MYBPC2: variants seen among roughly 807,000 people sequenced by gnomAD.
The protein encoded by MYBPC2 is myosin-binding protein C, fast-type.
Under a neutral mutation model 137.0 loss-of-function variants are expected in MYBPC2, and 122 were observed. The observed-to-expected ratio is 0.89, with a 90% CI of 0.77 to 1.03. The LOEUF is 1.03. MYBPC2 is among the 50% of genes least tolerant of loss of function. The pLI is 0.00. For synonymous variants in MYBPC2, 626 were observed against 612.3 expected, an observed-to-expected ratio of 1.02 and a Z score of -0.33; for missense variants, 1,500 against 1,534.4, an observed-to-expected ratio of 0.98 and a Z score of 0.37.
intron 18 of MYBPC2, among the ~76,000 whole-genome samples, 159 bp from the exon 19 acceptor site, chr19:50,454,949 T>TA (rs1466619941): frequency 6.6e-6 from 1 of 152,102 alleles, no homozygotes; most frequent in Non-Finnish European, 1.5e-5. Flanking sequence ...CCAGGACTGG[T>TA]GGCCTCTGAA....
Position 50,464,333 on chromosome 19 carries a change from T to C in MYBPC2, c.3229-13T>C, listed in dbSNP as rs1043194510. On this transcript the variant is annotated splice_polypyrimidine_tract_variant and intron_variant, in intron 26 of 27. Coordinates refer to ENST00000357701, the MANE Select transcript of MYBPC2 (RefSeq NM_004533.4). Reference sequence around the variant, plus strand: ...CTCTCTAAGTTGGCCTCCTCTCCCTTGACTCTCAACAGCCGAAGGTGGTCT... The same window carrying C: ...CTCTCTAAGTTGGCCTCCTCTCCCTCGACTCTCAACAGCCGAAGGTGGTCT... 1.3e-6 allele frequency: 2 copies of C among 1,596,664 alleles called. No individual in the cohort carries two copies. The highest frequency in any genetic ancestry group is 1.7e-6 in the Non-Finnish European group (2 of 1,171,968).
intron 20 of MYBPC2, among the ~76,000 whole-genome samples, 154 bp downstream of exon 20, chr19:50,455,798 C>G (rs544604869): frequency 4.6e-5 from 7 of 152,094 alleles, no homozygotes; most frequent in African/African-American, 1.7e-4. Flanking sequence ...GGGATGGGAC[C>G]CCCCTGTGAC....
chr19:50,459,045 G>A lies in MYBPC2; in HGVS notation c.2595+39G>A, dbSNP rs780639385. The A allele has an allele frequency of 1.9e-6, 3 of 1,572,522 alleles. No homozygotes were observed. The East Asian group carries it at 7.1e-5, about 37-fold the overall frequency. ...GGTCACGGGCCGGGGGTCCGCTCTC[G>A]CCGCAAGCCCCCTTTTTGCGGGTGG... is the stretch of plus-strand genomic sequence containing the variant. On this transcript the variant is annotated intron_variant, in intron 22 of 27. Coordinates refer to ENST00000357701, the MANE Select transcript of MYBPC2 (RefSeq NM_004533.4).
intron 15 of MYBPC2, 36 bp downstream of exon 15, chr19:50,451,345 G>A: frequency 2.5e-6 from 4 of 1,610,736 alleles, no homozygotes; most frequent in Non-Finnish European, 8.5e-7. Flanking sequence ...GCGGGTCTGA[G>A]GGAGGAGGGA....
chr19:50,454,350 T>TG lies in MYBPC2; in HGVS notation c.2001dup (p.Lys668GlufsTer24). The TG allele has an allele frequency of 6.2e-7, 1 of 1,607,420 alleles. No individual in the cohort carries two copies. On this transcript the variant is annotated frameshift_variant, in exon 18 of 28. Coordinates refer to ENST00000357701, the MANE Select transcript of MYBPC2 (RefSeq NM_004533.4). LOFTEE classifies it high-confidence loss of function. ...TTGTCTGGGAGCCACCAATGTACGA[T>TG]GGGGGGAAGCCAGTCACCGGTGAGT...
In MYBPC2 at chr19:50,466,267, C is replaced by T; in HGVS notation, c.*62C>T. 1.9e-6 allele frequency: 3 copies of T among 1,608,496 alleles called. No homozygotes were observed. The highest frequency in any genetic ancestry group is 2.6e-6 in the Non-Finnish European group (3 of 1,175,284). On this transcript the variant is annotated 3_prime_UTR_variant, in exon 28 of 28. Transcript: ENST00000357701. The surrounding 1 kb of genome is among the most constrained non-coding windows in gnomAD (Gnocchi z 4.9). ...AGTCCTGACCCCAATCCCCAACCTC[C>T]CAGGACTGTGTTCTTTCTGGAGTTT...
At chr19:50,451,735 G>A in intron 15 of MYBPC2, 129 bp from the exon 16 acceptor site, 1 of 1,360,872 alleles carries the variant, frequency 7.3e-7, no homozygotes, top group Non-Finnish European at 1.0e-6. Flanking sequence ...TGAGGGAGGA[G>A]GGCTTCAGGA....
chr19:50,433,050 A>G (rs2039671348), intron 1 of MYBPC2, 78 bp downstream of exon 1: 3 of 1,473,476 alleles, frequency 2.0e-6, no homozygotes, highest in Non-Finnish European at 2.7e-6. Flanking sequence ...CTCTGTTTGT[A>G]GGGTTGGGAG....
chr19:50,440,667 A>AAAG (rs1341992669), intron 7 of MYBPC2, among the ~76,000 whole-genome samples: 1 of 151,218 alleles, frequency 6.6e-6, no homozygotes, highest in Non-Finnish European at 1.5e-5. Flanking sequence ...TGTCTCAAAA[A>AAAG]AAAAAAAAAC....
intron 12 of MYBPC2, among the ~76,000 whole-genome samples, chr19:50,446,688 C>T (rs1411331965): frequency 1.1e-4 from 17 of 150,868 alleles, no homozygotes; most frequent in Admixed American, 2.0e-4. Context: ...GGTGTGGTGG[C>T]GTGCACCTGT....
chr19:50,453,922 G>A (rs568233745), intron 16 of MYBPC2, 98 bp from the exon 17 acceptor site: 12 of 1,346,546 alleles, frequency 8.9e-6, no homozygotes, highest in Non-Finnish European at 1.2e-5. Flanking sequence ...TGTTGATGGG[G>A]AATCATGGGA....
In MYBPC2 at chr19:50,433,038, C is replaced by G; in HGVS notation, c.19+66C>G. The G allele has an allele frequency of 2.0e-6, 3 of 1,507,228 alleles. No homozygotes were observed. The South Asian group carries it at 4.0e-5, about 20-fold the overall frequency. The allele number at this position is 1,507,228 out of a possible 1,614,324, so 93.4% of individuals were successfully genotyped here. Reference sequence around the variant, plus strand: ...TCTTTTCTGGATGGGGATTTGGGACCCCTCTGTTTGTAGGGTTGGGAGAAG... The same window carrying G: ...TCTTTTCTGGATGGGGATTTGGGACGCCTCTGTTTGTAGGGTTGGGAGAAG... On this transcript the variant is annotated intron_variant, in intron 1 of 27. Transcript: ENST00000357701.
Position 50,435,316 on chromosome 19 carries a change from CTCCAGGCCTT to C in MYBPC2, c.109+70_109+79del, listed in dbSNP as rs2039692952. 1.4e-6 allele frequency: 1 copy of C among 711,050 alleles called. No individual in the cohort carries two copies. The highest frequency in any genetic ancestry group is 1.8e-5 in the African/African-American group (1 of 56,408). The allele number at this position is 711,050 out of a possible 1,614,324, so 44.0% of individuals were successfully genotyped here. A position where few individuals can be genotyped will look rare whatever the true frequency, so the allele number is the denominator to read the frequency against. Reference sequence around the variant, plus strand: ...CATCTCCATCCTCCTCGCTACGCCTCTCCAGGCCTTTCCCCAGCCTCTATCCTTGAATCTG... The same window carrying C: ...CATCTCCATCCTCCTCGCTACGCCTCTCCCCAGCCTCTATCCTTGAATCTG... On this transcript the variant is annotated intron_variant, in intron 2 of 27. Coordinates refer to ENST00000357701, the MANE Select transcript of MYBPC2 (RefSeq NM_004533.4). This position sits in a 1 kb window ranked among gnomAD's most constrained non-coding sequence, Gnocchi z 4.8.
chr19:50,463,895 C>T (rs534079115), intron 26 of MYBPC2, among the ~76,000 whole-genome samples: 19 of 149,838 alleles, frequency 1.3e-4, no homozygotes, highest in African/African-American at 3.0e-4. Context: ...GCCAAGATCA[C>T]GCCACTGCAC....
chr19:50,445,226 T>C (rs1378028163), intron 11 of MYBPC2, among the ~76,000 whole-genome samples: 1 of 152,016 alleles, frequency 6.6e-6, no homozygotes, highest in Non-Finnish European at 1.5e-5. Context: ...GGAAAACCAC[T>C]GACAGAGGCC....
rs377503167 is a variant in MYBPC2 at position 50,441,071 on chromosome 19, G to T, written c.764G>T (p.Ser255Ile). 2 of 1,588,924 alleles carry T rather than the reference G, an allele frequency of 1.3e-6. No individual in the cohort carries two copies. Among genetic ancestry groups the T allele is most frequent in the Non-Finnish European group, 1.7e-6 (2 of 1,168,286 alleles). Residue 255 changes from serine (S) to isoleucine (I), a missense_variant, in exon 8 of 28, where the codon AGT becomes ATT. By Grantham distance (142) the Ser-to-Ile change is moderately radical. Coordinates refer to ENST00000357701, the MANE Select transcript of MYBPC2 (RefSeq NM_004533.4). ...LKKAKVEVKK[S>I]AAFTKKLDPA... ...AAGGCTAAGGTCGAGGTCAAGAAGA[G>T]TGCAGGTCAGCCCTGGTCTGGGGGG...
rs1390831296 is a variant in MYBPC2 at position 50,455,773 on chromosome 19, CTGTTA to C, written c.2338+131_2338+135del. Reference sequence around the variant, plus strand: ...GGCCTGCTTGTGTTTTGTGTCTGTACTGTTATAAGTCTCTGGGATGGGACCCCCCT... The same window carrying C: ...GGCCTGCTTGTGTTTTGTGTCTGTACTAAGTCTCTGGGATGGGACCCCCCT... On this transcript the variant is annotated intron_variant, in intron 20 of 27. Coordinates refer to ENST00000357701, the MANE Select transcript of MYBPC2 (RefSeq NM_004533.4). The C allele has an allele frequency of 4.8e-5, 66 of 1,361,472 alleles. No homozygotes were observed. The African/African-American group carries it at 9.1e-4, about 19-fold the overall frequency. 84.3% of individuals were successfully genotyped at this position (1,361,472 alleles called of 1,614,324 possible). A position where few individuals can be genotyped will look rare whatever the true frequency, so the allele number is the denominator to read the frequency against.
At chr19:50,464,836 C>T (rs1478225404) in intron 27 of MYBPC2, among the ~76,000 whole-genome samples, 1 of 152,048 alleles carries the variant, frequency 6.6e-6, no homozygotes, top group Non-Finnish European at 1.5e-5. Context: ...GTACCTGGGC[C>T]CCCGTAGGCA....
intron 16 of MYBPC2, among the ~76,000 whole-genome samples, chr19:50,453,093 A>G (rs562251694): frequency 6.6e-6 from 1 of 152,192 alleles, no homozygotes; most frequent in South Asian, 2.1e-4. Flanking sequence ...CTGCCCTCCA[A>G]GAGCCTTCAT....
Sources: allele counts gnomAD v4.1 joint callset (sites outside exome capture counted in the v4.1 genomes callset), GRCh38; gene constraint gnomAD v4.1.1; non-coding constraint Gnocchi (gnomAD v3.1); transcripts MANE v1.5; gene names NCBI Gene and HGNC (gene_info 2026-07-23, HGNC 2026-07-21).